The following CDH23 variants were observed in gnomAD, a reference collection of about 807,000 sequenced individuals.
CDH23 encodes the protein cadherin related 23.
Under a neutral mutation model 317.1 loss-of-function variants are expected in CDH23, and 189 were observed. That is an observed-to-expected ratio of 0.60 (90% CI 0.53 to 0.67). CDH23 has a LOEUF of 0.67. Ranked by LOEUF, CDH23 falls within the 30% of genes least tolerant of loss-of-function variation. The probability of loss-of-function intolerance (pLI) is 0.00; values close to 1 mark genes in which losing one functional copy is unlikely to be tolerated. For synonymous variants in CDH23, 1,839 were observed against 1,876.8 expected (o/e 0.98, Z 0.52); for missense variants, 4,401 against 4,592.4 (o/e 0.96, Z 1.20).
At chr10:71,592,889 C>T (rs1859590312) in intron 9 of CDH23, among the ~76,000 whole-genome samples, 3 of 152,228 alleles carry the variant, frequency 2.0e-5, no homozygotes, top group South Asian at 2.1e-4. Context: ...CTTCTTCGCG[C>T]CGCTCTTGAA....
chr10:71,513,117 A>G (rs533066314), intron 6 of CDH23, among the ~76,000 whole-genome samples: 6 of 152,294 alleles, frequency 3.9e-5, no homozygotes, highest in South Asian at 4.1e-4. Flanking sequence ...GCCAGCTGCA[A>G]AGGACACACC....
chr10:71,739,638 C>T lies in CDH23; in HGVS notation c.4360-6C>T. 1 of 1,612,454 alleles carries T rather than the reference C, an allele frequency of 6.2e-7. No individual in the cohort carries two copies. Among genetic ancestry groups the T allele is most frequent in the South Asian group, 1.1e-5 (1 of 90,726 alleles). ...GCTCACCCCTCACCCTCTCTTCTCCCCACAGGTGGTCTTCTCCCTGGCCTC... is the reference window on the plus strand; with the variant it reads ...GCTCACCCCTCACCCTCTCTTCTCCTCACAGGTGGTCTTCTCCCTGGCCTC... On this transcript the variant is annotated splice_region_variant and splice_polypyrimidine_tract_variant and intron_variant, in intron 35 of 69. Transcript: ENST00000224721.
chr10:71,658,606 G>T (rs1863517093), intron 14 of CDH23, among the ~76,000 whole-genome samples: 1 of 152,200 alleles, frequency 6.6e-6, no homozygotes. Context: ...TTCATCCCAG[G>T]CCTGGTGAAG....
chr10:71,468,794 C>T (rs1473952850), intron 3 of CDH23, among the ~76,000 whole-genome samples: 1 of 152,224 alleles, frequency 6.6e-6, no homozygotes, highest in Non-Finnish European at 1.5e-5. Context: ...TCCCTGTACC[C>T]CTCTGCCGGG....
In CDH23 at chr10:71,597,185, A is replaced by G. The variant is rs568673279; in HGVS notation, c.833-18319A>G. Among the ~76,000 whole-genome samples the G allele has an allele frequency of 3.4e-4, 48 of 141,244 alleles. 1 individual carries two copies. In the East Asian group the frequency reaches 8.5e-3, roughly 25 times the overall value. The allele number at this position is 141,244 out of a possible 152,430, so 92.7% of individuals were successfully genotyped here. On this transcript the variant is annotated intron_variant, in intron 9 of 69. Transcript: ENST00000224721. ...ATTGATAACCCAGGCCTGGGCAGGA[A>G]CCGATGGCAGTCCTGGGGCCGGGAG...
intron 1 of CDH23, among the ~76,000 whole-genome samples, chr10:71,430,860 T>C (rs1849337907): frequency 6.6e-6 from 1 of 152,156 alleles, no homozygotes; most frequent in Non-Finnish European, 1.5e-5. Context: ...GGTTAAAGGA[T>C]GGTCCCCCAT....
At position 71,397,719 on chromosome 10, in the gene CDH23, C is replaced by A. The variant is rs551114333; in HGVS notation, c.-6+401C>A. Among the ~76,000 whole-genome samples the A allele has an allele frequency of 6.6e-6, 1 of 152,162 alleles. No homozygotes were observed. The highest frequency in any genetic ancestry group is 2.4e-5 in the African/African-American group (1 of 41,546). On this transcript the variant is annotated intron_variant, in intron 1 of 69. Coordinates refer to ENST00000224721, the MANE Select transcript of CDH23 (RefSeq NM_022124.6). The surrounding 1 kb of genome is among the most constrained non-coding windows in gnomAD (Gnocchi z 4.8). ...GAGCGCGTTGGGATCCAATCCCCTC[C>A]CCTTCTGAGCCCTGGGTCCCCATTT...
intron 4 of CDH23, 60 bp from the exon 5 acceptor site, chr10:71,510,894 C>T: frequency 6.4e-7 from 1 of 1,567,756 alleles, no homozygotes; most frequent in African/African-American, 1.3e-5. Context: ...ATTTAGGGCC[C>T]AGGACCCAGG....
At chr10:71,625,693 G>A (rs1055127391) in intron 11 of CDH23, among the ~76,000 whole-genome samples, 5 of 152,118 alleles carry the variant, frequency 3.3e-5, no homozygotes, top group African/African-American at 9.7e-5. Flanking sequence ...CCCTCCCCAC[G>A]CAGCTCTGCA....
At chr10:71,500,777 T>C (rs1189818811) in intron 3 of CDH23, among the ~76,000 whole-genome samples, 1 of 147,120 alleles carries the variant, frequency 6.8e-6, no homozygotes, top group African/African-American at 2.6e-5. Context: ...TTCTTTTCTT[T>C]TCTTTTCTTT....
chr10:71,400,271 G>A (rs973599898), intron 1 of CDH23, among the ~76,000 whole-genome samples: 4 of 152,198 alleles, frequency 2.6e-5, no homozygotes, highest in African/African-American at 9.6e-5. Context: ...TTGGATCAGA[G>A]GCCTGGTGTA....
At chr10:71,429,931 A>T (rs115287069) in intron 1 of CDH23, among the ~76,000 whole-genome samples, 2 of 152,194 alleles carry the variant, frequency 1.3e-5, no homozygotes, top group African/African-American at 4.8e-5. Context: ...CCAACAATGT[A>T]GTAAGGATGA....
chr10:71,715,267 CG>C (rs939796448), intron 28 of CDH23: 19 of 152,274 alleles, frequency 1.2e-4, no homozygotes, highest in Admixed American at 7.8e-4. Flanking sequence ...TTGATCCCAA[CG>C]TGGGTGCCCT....
At chr10:71,801,923 T>C (rs910309452) in intron 53 of CDH23, among the ~76,000 whole-genome samples, 2 of 152,342 alleles carry the variant, frequency 1.3e-5, no homozygotes, top group Admixed American at 6.5e-5. Flanking sequence ...TGAGCCTCCA[T>C]TGTCAAATCT....
intron 2 of CDH23, among the ~76,000 whole-genome samples, chr10:71,442,208 A>G (rs1226183922): frequency 6.6e-6 from 1 of 152,202 alleles, no homozygotes; most frequent in Non-Finnish European, 1.5e-5. Context: ...CAAAGCGTGT[A>G]TGGTCGGCCT....
chr10:71,588,989 G>A (rs1295456470), intron 9 of CDH23, among the ~76,000 whole-genome samples: 3 of 152,162 alleles, frequency 2.0e-5, no homozygotes, highest in East Asian at 1.9e-4. Flanking sequence ...TGTGCACTGC[G>A]TGCCCCTCCC....
At chr10:71,575,361 C>A (rs1212718642) in intron 8 of CDH23, among the ~76,000 whole-genome samples, 2 of 152,070 alleles carry the variant, frequency 1.3e-5, no homozygotes, top group African/African-American at 4.8e-5. Flanking sequence ...GAGTGCTTCA[C>A]GTTTATCGGC....
intron 6 of CDH23, among the ~76,000 whole-genome samples, chr10:71,542,440 G>A (rs929476154): frequency 6.6e-6 from 1 of 152,208 alleles, no homozygotes; most frequent in African/African-American, 2.4e-5. Flanking sequence ...TCTGTCTTTA[G>A]GGTCTTGCTG....
chr10:71,672,460 T>C (rs1237510085), intron 14 of CDH23, among the ~76,000 whole-genome samples: 1 of 152,170 alleles, frequency 6.6e-6, no homozygotes, highest in Non-Finnish European at 1.5e-5. Flanking sequence ...TTTCATCTAG[T>C]TCGGCTTCCT....
Sources: gnomAD v4.1 joint callset for allele counts (sites outside exome capture counted in the v4.1 genomes callset) on GRCh38, gnomAD v4.1.1 for gene constraint, Gnocchi (gnomAD v3.1) non-coding constraint, MANE v1.5 for transcripts, NCBI Gene and HGNC (gene_info 2026-07-23, HGNC 2026-07-21) for gene names.